CNBD1: variants seen among roughly 807,000 people sequenced by gnomAD.
CNBD1 encodes the protein cyclic nucleotide-binding domain-containing protein 1.
In CNBD1, 71 loss-of-function variants were observed where a neutral mutation model predicts 54.4. The observed-to-expected ratio is 1.30, with a 90% CI of 1.08 to 1.59. The LOEUF is 1.59. Among genes scored for constraint, CNBD1 ranks in the 40% most tolerant of loss-of-function variants. CNBD1 has a pLI of 0.00. For synonymous variants in CNBD1, 182 were observed against 170.7 expected, an observed-to-expected ratio of 1.07 and a Z score of -0.51; for missense variants, 659 against 518.0, an observed-to-expected ratio of 1.27 and a Z score of -2.64.
At chr8:87,158,729 T>C (rs947813159) in intron 4 of CNBD1, among the ~76,000 whole-genome samples, 5 of 152,124 alleles carry the variant, frequency 3.3e-5, no homozygotes, top group African/African-American at 1.2e-4. Flanking sequence ...TTATGGACTT[T>C]TTACACTGAG....
intron 6 of CNBD1, among the ~76,000 whole-genome samples, chr8:87,276,470 A>G (rs1808482560): frequency 6.6e-6 from 1 of 151,750 alleles, no homozygotes; most frequent in South Asian, 2.1e-4. Flanking sequence ...TAATTTTGTT[A>G]CTCACTTCAT....
chr8:87,302,303 C>T (rs2130883315), intron 8 of CNBD1, among the ~76,000 whole-genome samples: 1 of 152,314 alleles, frequency 6.6e-6, no homozygotes, highest in East Asian at 1.9e-4. Flanking sequence ...ATCAAGTGGG[C>T]TTCATCGCTG....
chr8:87,194,205 A>G (rs1288526019), intron 4 of CNBD1, among the ~76,000 whole-genome samples: 3 of 152,318 alleles, frequency 2.0e-5, no homozygotes, highest in East Asian at 1.9e-4. Context: ...TGGTTGGGGA[A>G]CAATGGCCTA....
chr8:87,015,353 T>C (rs1340979823), intron 4 of CNBD1, among the ~76,000 whole-genome samples: 1 of 151,956 alleles, frequency 6.6e-6, no homozygotes, highest in African/African-American at 2.4e-5. Context: ...CAGCTAACTT[T>C]TTTTTGTATT....
At chr8:87,114,844 C>T (rs1292040900) in intron 4 of CNBD1, among the ~76,000 whole-genome samples, 1 of 152,126 alleles carries the variant, frequency 6.6e-6, no homozygotes, top group South Asian at 2.1e-4. Context: ...CTCTTTGACA[C>T]AAGAACACAC....
chr8:87,254,320 CAATT>C (rs1563525200), intron 6 of CNBD1, among the ~76,000 whole-genome samples: 1 of 152,130 alleles, frequency 6.6e-6, no homozygotes, highest in Non-Finnish European at 1.5e-5. Flanking sequence ...CATAGGGTAA[CAATT>C]AATAAAGAGG....
At position 87,092,503 on chromosome 8, in the gene CNBD1, A is replaced by G. The variant is rs900935921; in HGVS notation, c.432-113490A>G. Among the ~76,000 whole-genome samples, 487 of 142,750 alleles carry G rather than the reference A, an allele frequency of 3.4e-3. 9 individuals carry two copies. Among genetic ancestry groups the G allele is most frequent in the African/African-American group, 0.012 (456 of 37,606 alleles). 93.6% of individuals were successfully genotyped at this position (142,750 alleles called of 152,430 possible). A position where few individuals can be genotyped will look rare whatever the true frequency, so the allele number is the denominator to read the frequency against. ...TACACATATGTGTGTGTGTATATAT[A>G]TGTGTGTGTGTGTATGTGTGTGTAT... On this transcript the variant is annotated intron_variant, in intron 4 of 10. Coordinates refer to ENST00000518476, the MANE Select transcript of CNBD1 (RefSeq NM_173538.3).
intron 4 of CNBD1, among the ~76,000 whole-genome samples, chr8:87,000,715 T>G (rs1315689416): frequency 6.6e-6 from 1 of 152,180 alleles, no homozygotes; most frequent in East Asian, 1.9e-4. Context: ...AATTATTGGA[T>G]CTCACTTTCA....
intron 8 of CNBD1, among the ~76,000 whole-genome samples, chr8:87,298,805 G>A (rs1808932278): frequency 6.6e-6 from 1 of 151,974 alleles, no homozygotes; most frequent in South Asian, 2.1e-4. Flanking sequence ...TGGTTTCTTT[G>A]CTTTGTCCAG....
At chr8:87,082,450 G>A (rs933071111) in intron 4 of CNBD1, among the ~76,000 whole-genome samples, 6 of 152,154 alleles carry the variant, frequency 3.9e-5, no homozygotes, top group Non-Finnish European at 7.3e-5. Context: ...GCATGACACT[G>A]ATCACTTTAT....
At chr8:87,294,609 T>C (rs1808845261) in intron 8 of CNBD1, among the ~76,000 whole-genome samples, 1 of 152,214 alleles carries the variant, frequency 6.6e-6, no homozygotes, top group African/African-American at 2.4e-5. Flanking sequence ...AGCATAAAGA[T>C]AGTTTCCAGA....
chr8:87,370,269 T>G (rs200623678), intron 10 of CNBD1, among the ~76,000 whole-genome samples: 2 of 152,168 alleles, frequency 1.3e-5, no homozygotes, highest in South Asian at 2.1e-4. Flanking sequence ...GGTCAAATGG[T>G]ATTTCTAGTT....
intron 1 of CNBD1, among the ~76,000 whole-genome samples, chr8:86,876,612 T>A (rs1369329472): frequency 6.6e-6 from 1 of 151,880 alleles, no homozygotes; most frequent in African/African-American, 2.4e-5. Flanking sequence ...TTAATTTTCT[T>A]GTACTACTTG....
intron 8 of CNBD1, among the ~76,000 whole-genome samples, chr8:87,333,073 G>T (rs1278590228): frequency 6.6e-6 from 1 of 152,092 alleles, no homozygotes; most frequent in African/African-American, 2.4e-5. Flanking sequence ...AGTTCTCCTT[G>T]AAGAGGTTCT....
At chr8:86,937,735 T>TA (rs1357032902) in intron 3 of CNBD1, among the ~76,000 whole-genome samples, 1 of 30,850 alleles carries the variant, frequency 3.2e-5, no homozygotes, top group Non-Finnish European at 8.2e-5. Context: ...CATGAAACCA[T>TA]TTTTTCCTCC....
At chr8:87,199,832 A>C (rs1307458942) in intron 4 of CNBD1, among the ~76,000 whole-genome samples, 1 of 152,230 alleles carries the variant, frequency 6.6e-6, no homozygotes, top group Non-Finnish European at 1.5e-5. Flanking sequence ...ATATACCTGT[A>C]TTGTTTTATT....
chr8:87,091,536 T>C (rs1229022889), intron 4 of CNBD1, among the ~76,000 whole-genome samples: 2 of 152,204 alleles, frequency 1.3e-5, no homozygotes, highest in Non-Finnish European at 2.9e-5. Context: ...CTAGGCTTTT[T>C]AAGTCATCTT....
intron 4 of CNBD1, among the ~76,000 whole-genome samples, chr8:87,189,880 A>G (rs578131822): frequency 6.6e-6 from 1 of 152,342 alleles, no homozygotes; most frequent in Admixed American, 6.5e-5. Context: ...ATTAATGATT[A>G]ATTATTCAAG....
intron 8 of CNBD1, among the ~76,000 whole-genome samples, chr8:87,323,291 CT>C (rs1809582946): frequency 9.3e-6 from 1 of 107,978 alleles, no homozygotes; most frequent in African/African-American, 3.4e-5. Context: ...GATGTGGGCT[CT>C]TTTTTGGTTC....
Sources: allele counts gnomAD v4.1 joint callset (sites outside exome capture counted in the v4.1 genomes callset), GRCh38; gene constraint gnomAD v4.1.1; transcripts MANE v1.5; gene names NCBI Gene and HGNC (gene_info 2026-07-23, HGNC 2026-07-21).